CNTN4: variants seen among roughly 807,000 people sequenced by gnomAD.
CNTN4 encodes contactin 4, also known as contactin-4.
Under a neutral mutation model 122.5 loss-of-function variants are expected in CNTN4, and 77 were observed. That is an observed-to-expected ratio of 0.63 (90% CI 0.52 to 0.76). CNTN4 has a LOEUF of 0.76. Ranked by LOEUF, CNTN4 falls within the 30% of genes least tolerant of loss-of-function variation. The pLI is 0.00. For synonymous variants in CNTN4, 512 were observed against 447.0 expected (o/e 1.15, Z -1.83); for missense variants, 1,256 against 1,259.1 (o/e 1.00, Z 0.04).
chr3:2,250,548 A>G (rs1321772389), intron 2 of CNTN4, among the ~76,000 whole-genome samples: 2 of 151,902 alleles, frequency 1.3e-5, no homozygotes, highest in Non-Finnish European at 2.9e-5. Context: ...TCCCAACACA[A>G]TGAAATGATA....
chr3:2,787,095 G>A (rs933589633), intron 6 of CNTN4, among the ~76,000 whole-genome samples: 3 of 152,132 alleles, frequency 2.0e-5, no homozygotes, highest in Admixed American at 6.5e-5. Flanking sequence ...TAAGAAAATC[G>A]GCCAGGCGCG....
chr3:3,041,386 A>G (rs911376537), intron 20 of CNTN4, among the ~76,000 whole-genome samples: 2 of 152,218 alleles, frequency 1.3e-5, no homozygotes, highest in Non-Finnish European at 2.9e-5. Flanking sequence ...TCTCTTAGAT[A>G]ATAGTTCATG....
intron 2 of CNTN4, among the ~76,000 whole-genome samples, chr3:2,154,777 T>G: frequency 6.6e-6 from 1 of 152,188 alleles, no homozygotes; most frequent in Non-Finnish European, 1.5e-5. Context: ...CACTCCCAAT[T>G]CGTGGGAAGA....
chr3:2,845,448 A>T (rs1042841655), intron 7 of CNTN4, among the ~76,000 whole-genome samples: 1 of 152,038 alleles, frequency 6.6e-6, no homozygotes, highest in Non-Finnish European at 1.5e-5. Flanking sequence ...GTAAATAAAG[A>T]TAAGTTATAT....
At chr3:3,047,161 C>A (rs1464270500) in intron 23 of CNTN4, among the ~76,000 whole-genome samples, 4 of 151,936 alleles carry the variant, frequency 2.6e-5, no homozygotes, top group Non-Finnish European at 5.9e-5. Context: ...GACTTAGACT[C>A]CCACACAATA....
chr3:2,875,615 C>T (rs1159161488), intron 8 of CNTN4, among the ~76,000 whole-genome samples: 3 of 152,106 alleles, frequency 2.0e-5, no homozygotes, highest in Admixed American at 6.6e-5. Context: ...CTGTATAGCC[C>T]ACAAAACCTA....
intron 2 of CNTN4, among the ~76,000 whole-genome samples, chr3:2,226,644 A>G (rs901511806): frequency 4.6e-5 from 7 of 152,182 alleles, no homozygotes; most frequent in Non-Finnish European, 1.0e-4. Flanking sequence ...ATCATAGGCA[A>G]ATATTTATCA....
chr3:2,212,432 T>G (rs1302595950), intron 2 of CNTN4, among the ~76,000 whole-genome samples: 1 of 152,158 alleles, frequency 6.6e-6, no homozygotes, highest in Admixed American at 6.5e-5. Context: ...GACCTCACAA[T>G]CGTGGCAGGA....
At chr3:2,789,322 A>G (rs896459206) in intron 6 of CNTN4, among the ~76,000 whole-genome samples, 5 of 152,224 alleles carry the variant, frequency 3.3e-5, no homozygotes, top group African/African-American at 1.2e-4. Context: ...GATATGACAC[A>G]TGTAAAGTGT....
intron 12 of CNTN4, among the ~76,000 whole-genome samples, chr3:2,922,358 G>A (rs2094437269): frequency 6.6e-6 from 1 of 152,176 alleles, no homozygotes; most frequent in African/African-American, 2.4e-5. Context: ...GTTTGAGGAT[G>A]AGAATAAAGG....
chr3:2,645,746 T>C (rs9833417), intron 4 of CNTN4, among the ~76,000 whole-genome samples: 74,885 of 151,960 alleles, frequency 0.49, 18,691 homozygotes, highest in East Asian at 0.71. Flanking sequence ...GTTCACTCTT[T>C]GTTCATGATG....
chr3:2,243,595 G>T (rs1432871244), intron 2 of CNTN4, among the ~76,000 whole-genome samples: 1 of 151,978 alleles, frequency 6.6e-6, no homozygotes, highest in South Asian at 2.1e-4. Context: ...TGTGGCCCAG[G>T]GAAGCCAAAA....
intron 4 of CNTN4, among the ~76,000 whole-genome samples, chr3:2,661,638 C>G (rs2083899169): frequency 6.6e-6 from 1 of 151,538 alleles, no homozygotes; most frequent in African/African-American, 2.4e-5. Flanking sequence ...CATGGAGAAA[C>G]CCTGTCTCTA....
At chr3:2,847,138 A>G (rs1406472932) in intron 7 of CNTN4, among the ~76,000 whole-genome samples, 1 of 150,982 alleles carries the variant, frequency 6.6e-6, no homozygotes, top group Non-Finnish European at 1.5e-5. Context: ...GCTTTTTGTC[A>G]TTATCAGGAG....
chr3:2,344,990 T>C (rs2044347154), intron 3 of CNTN4, among the ~76,000 whole-genome samples: 1 of 152,156 alleles, frequency 6.6e-6, no homozygotes, highest in African/African-American at 2.4e-5. Flanking sequence ...GTCAGGGAAA[T>C]AGTTGACAGA....
chr3:3,003,636 T>C (rs200647227), intron 14 of CNTN4, among the ~76,000 whole-genome samples: 251 of 141,908 alleles, frequency 1.8e-3, no homozygotes, highest in Non-Finnish European at 2.4e-3. Flanking sequence ...GGGCTTCTTT[T>C]GGGGATAATG....
chr3:2,765,451 A>G (rs1017294023), intron 6 of CNTN4, among the ~76,000 whole-genome samples: 1 of 152,220 alleles, frequency 6.6e-6, no homozygotes, highest in African/African-American at 2.4e-5. Context: ...TATTTTAAGA[A>G]TTAGAAAACA....
At chr3:2,636,922 TTG>T (rs1235064789) in intron 4 of CNTN4, among the ~76,000 whole-genome samples, 1 of 135,266 alleles carries the variant, frequency 7.4e-6, no homozygotes, top group African/African-American at 2.8e-5. Flanking sequence ...CTTTCTTTCT[TTG>T]TTTTTTTTTT....
At chr3:2,187,832 C>G (rs539065321) in intron 2 of CNTN4, among the ~76,000 whole-genome samples, 17 of 152,224 alleles carry the variant, frequency 1.1e-4, no homozygotes, top group African/African-American at 3.6e-4. Context: ...GATTTTGAGT[C>G]TGCCTCTGAA....
Sources: allele counts gnomAD v4.1 joint callset (sites outside exome capture counted in the v4.1 genomes callset), GRCh38; gene constraint gnomAD v4.1.1; transcripts MANE v1.5; gene names NCBI Gene and HGNC (gene_info 2026-07-23, HGNC 2026-07-21).